The following TANK variants were observed in gnomAD, a reference collection of about 807,000 sequenced individuals.
TANK encodes TRAF family member-associated NF-kappa-B activator.
TANK carries 15 observed loss-of-function variants against 43.6 expected under a neutral mutation model. The observed-to-expected ratio is 0.34, with a 90% CI of 0.23 to 0.53. The LOEUF (loss-of-function observed/expected upper bound fraction) is 0.53, where lower values mean the gene tolerates loss of function less well. Among genes scored for constraint, TANK ranks in the 20% least tolerant of loss-of-function variants. TANK has a pLI of 0.94. For missense variants in TANK, 417 were observed against 498.6 expected, an observed-to-expected ratio of 0.84 and a Z score of 1.56; for synonymous variants, 162 against 178.2, an observed-to-expected ratio of 0.91 and a Z score of 0.73.
At chr2:161,152,460 T>C (rs1382070527) in intron 1 of TANK, among the ~76,000 whole-genome samples, 2 of 152,172 alleles carry the variant, frequency 1.3e-5, no homozygotes, top group Non-Finnish European at 2.9e-5. Flanking sequence ...ATATATGTCA[T>C]TCTACTATTT....
chr2:161,160,347 G>T, upstream of TANK: 2 of 1,019,320 alleles, frequency 2.0e-6, no homozygotes, highest in South Asian at 4.7e-5. Flanking sequence ...TGGCCTTGTT[G>T]GGTGGAGGTG....
intron 1 of TANK, among the ~76,000 whole-genome samples, chr2:161,170,498 G>T (rs1558971715): frequency 6.6e-6 from 1 of 152,112 alleles, no homozygotes; most frequent in Non-Finnish European, 1.5e-5. Context: ...GGGAAAAAAG[G>T]CAACTTTATG....
chr2:161,169,125 T>G (rs1684828935), intron 1 of TANK, among the ~76,000 whole-genome samples: 2 of 152,150 alleles, frequency 1.3e-5, no homozygotes, highest in African/African-American at 4.8e-5. Flanking sequence ...AAGAAAGAGA[T>G]GGACAAAGGG....
intron 1 of TANK, among the ~76,000 whole-genome samples, chr2:161,145,961 A>T (rs1408263336): frequency 6.6e-6 from 1 of 152,116 alleles, no homozygotes; most frequent in Admixed American, 6.6e-5. Context: ...AGGTACTCCA[A>T]TCAATCGTAG....
intron 4 of TANK, among the ~76,000 whole-genome samples, chr2:161,213,599 CAAAA>C (rs534652154): frequency 3.7e-5 from 2 of 54,638 alleles, no homozygotes; most frequent in African/African-American, 6.0e-5. Flanking sequence ...GACTTTGTCT[CAAAA>C]AAAAAAAAAA....
intron 1 of TANK, chr2:161,160,927 T>C (rs11889621): frequency 2.4e-6 from 1 of 424,048 alleles, no homozygotes; most frequent in Non-Finnish European, 4.7e-6. Context: ...ACTTAATTGG[T>C]TCTTTCTGTT....
At chr2:161,190,607 ATAG>A (rs1021340302) in intron 2 of TANK, among the ~76,000 whole-genome samples, 1 of 152,222 alleles carries the variant, frequency 6.6e-6, no homozygotes, top group Non-Finnish European at 1.5e-5. Context: ...TACACACAAC[ATAG>A]TAGTATTTAG....
intron 1 of TANK, chr2:161,161,714 G>A (rs1684447364): frequency 6.0e-6 from 2 of 335,272 alleles, no homozygotes; most frequent in Middle Eastern, 2.0e-3. Flanking sequence ...GCGTGGTACT[G>A]CATTGTGTAG....
intron 1 of TANK, among the ~76,000 whole-genome samples, chr2:161,150,845 C>T (rs1026126463): frequency 1.4e-4 from 22 of 152,152 alleles, no homozygotes; most frequent in Admixed American, 7.9e-4. Context: ...CTTGTCTCAA[C>T]CTCCCAAAGT....
intron 4 of TANK, among the ~76,000 whole-genome samples, chr2:161,218,012 C>A (rs1687193705): frequency 6.6e-6 from 1 of 152,038 alleles, no homozygotes; most frequent in South Asian, 2.1e-4. Context: ...ACTTCTATGC[C>A]AAGTTTGAGA....
chr2:161,232,583 A>G (rs2105175828), intron 7 of TANK: 4 of 906,574 alleles, frequency 4.4e-6, no homozygotes, highest in Non-Finnish European at 6.2e-6. Flanking sequence ...TTTATTTCAC[A>G]TCATAGTCTC....
In TANK at chr2:161,200,208, G is replaced by T. The variant is rs1686339763; in HGVS notation, c.100-3279G>T. ...GTGCTCTGTACAGAAGTGTTGACAA[G>T]ACATTGCTGTTGTACATTTTCAATG... On this transcript the variant is annotated intron_variant, in intron 2 of 7. Coordinates refer to ENST00000392749, the MANE Select transcript of TANK (RefSeq NM_001199135.3). 4 of 222,406 alleles carry T rather than the reference G, an allele frequency of 1.8e-5. No individual in the cohort carries two copies. The South Asian group carries it at 6.4e-4, about 36-fold the overall frequency. The allele number at this position is 222,406 out of a possible 1,614,324, so 13.8% of individuals were successfully genotyped here.
intron 6 of TANK, among the ~76,000 whole-genome samples, chr2:161,228,772 A>G (rs1173339217): frequency 1.3e-5 from 2 of 152,174 alleles, no homozygotes; most frequent in African/African-American, 4.8e-5. Flanking sequence ...CTATACAGGC[A>G]TACCCATTTT....
At chr2:161,192,539 T>C (rs112551136) in intron 2 of TANK, among the ~76,000 whole-genome samples, 8 of 152,330 alleles carry the variant, frequency 5.3e-5, no homozygotes, top group African/African-American at 1.9e-4. Context: ...AAATTGTTTT[T>C]TTTAGAACCT....
intron 4 of TANK, chr2:161,207,398 A>C (rs143633308): frequency 1.0e-6 from 1 of 974,374 alleles, no homozygotes; most frequent in Non-Finnish European, 1.2e-6. Context: ...TACTTTGAAT[A>C]GTTCATCAAC....
At chr2:161,217,163 G>A (rs1219694207) in intron 4 of TANK, among the ~76,000 whole-genome samples, 1 of 152,154 alleles carries the variant, frequency 6.6e-6, no homozygotes, top group Non-Finnish European at 1.5e-5. Flanking sequence ...TTTACAGGCA[G>A]TGAACTTGAT....
chr2:161,217,782 G>C (rs1459483826), intron 4 of TANK, among the ~76,000 whole-genome samples: 1 of 151,936 alleles, frequency 6.6e-6, no homozygotes, highest in Non-Finnish European at 1.5e-5. Flanking sequence ...AACATATAAA[G>C]AACCCAGAAA....
intron 1 of TANK, among the ~76,000 whole-genome samples, chr2:161,153,597 A>G (rs1171143251): frequency 6.7e-6 from 1 of 150,256 alleles, no homozygotes; most frequent in African/African-American, 2.4e-5. Flanking sequence ...ATAAGGTGGT[A>G]GAATCACATG....
At chr2:161,191,623 A>G (rs1461706216) in intron 2 of TANK, among the ~76,000 whole-genome samples, 2 of 152,162 alleles carry the variant, frequency 1.3e-5, no homozygotes, top group African/African-American at 4.8e-5. Flanking sequence ...CATAGCTACT[A>G]AGTTAGTAGA....
Sources: gnomAD v4.1 joint callset for allele counts (sites outside exome capture counted in the v4.1 genomes callset) on GRCh38, gnomAD v4.1.1 for gene constraint, MANE v1.5 for transcripts, NCBI Gene and HGNC (gene_info 2026-07-23, HGNC 2026-07-21) for gene names.